The following AMMECR1 variants were observed in gnomAD, a reference collection of about 807,000 sequenced individuals.
AMMECR1 encodes the protein nuclear protein AMMECR1.
A neutral mutation model predicts 22.5 loss-of-function variants in AMMECR1; 3 were observed. That is an observed-to-expected ratio of 0.13 (90% confidence interval 0.06 to 0.35). The LOEUF is 0.35. Among genes scored for constraint, AMMECR1 ranks in the 10% least tolerant of loss-of-function variants. The pLI is 1.00. For synonymous variants in AMMECR1, 130 were observed against 116.7 expected (o/e 1.11, Z -0.74); for missense variants, 235 against 278.7 (o/e 0.84, Z 1.12).
intron 2 of AMMECR1, among the ~76,000 whole-genome samples, chrX:110,229,823 G>C (rs1327726860): frequency 8.9e-6 from 1 of 112,579 alleles, no homozygotes; most frequent in Admixed American, 9.3e-5. Flanking sequence ...TTTTACCAAG[G>C]TCTTAGCAAC....
rs750327345 is a variant in AMMECR1, at chrX:110,196,490, TAGCC to T, written c.*2026_*2029del. ...AAGGGTAAGAAAAGTTTCCATCAGG[TAGCC>T]ACTTGTTTTTATACTGAAAGACTAA... On this transcript the variant is annotated 3_prime_UTR_variant, in exon 6 of 6. Coordinates refer to ENST00000262844, the MANE Select transcript of AMMECR1 (RefSeq NM_015365.3). 6.9e-4 allele frequency: 76 copies of T among 109,410 alleles called. 1 individual carries two copies. The East Asian group carries it at 8.6e-3, about 12-fold the overall frequency. The allele number at this position is 109,410 out of a possible 1,213,427, so 9.0% of individuals were successfully genotyped here.
intron 2 of AMMECR1, among the ~76,000 whole-genome samples, chrX:110,324,864 A>AT (rs2068092245): frequency 9.0e-6 from 1 of 110,884 alleles, no homozygotes; most frequent in Non-Finnish European, 1.9e-5. Flanking sequence ...GTATATAATT[A>AT]TTTTTTATAT....
intron 2 of AMMECR1, among the ~76,000 whole-genome samples, chrX:110,397,518 G>T (rs1039210596): frequency 9.0e-6 from 1 of 110,622 alleles, no homozygotes; most frequent in African/African-American, 3.3e-5. Context: ...CCATTCCTTG[G>T]CTAGAACCTC....
At chrX:110,305,941 C>G (rs1244380308) in intron 1 of AMMECR1, among the ~76,000 whole-genome samples, 1 of 110,962 alleles carries the variant, frequency 9.0e-6, no homozygotes, top group Non-Finnish European at 1.9e-5. Flanking sequence ...CAAGATCACA[C>G]CACTGCACTC....
intron 2 of AMMECR1, among the ~76,000 whole-genome samples, chrX:110,334,509 A>G (rs893559712): frequency 2.1e-4 from 23 of 112,082 alleles, no homozygotes; most frequent in African/African-American, 7.1e-4. Flanking sequence ...CTTTAGTTCC[A>G]TACTGAACCT....
intron 1 of AMMECR1, among the ~76,000 whole-genome samples, chrX:110,271,435 T>G (rs916977734): frequency 6.2e-5 from 7 of 112,651 alleles, no homozygotes; most frequent in African/African-American, 1.9e-4. Flanking sequence ...TAGAATTTTT[T>G]GCTGTTGTTA....
intron 1 of AMMECR1, among the ~76,000 whole-genome samples, chrX:110,292,025 T>C (rs935499121): frequency 8.9e-6 from 1 of 112,498 alleles, no homozygotes; most frequent in African/African-American, 3.2e-5. Context: ...TTGATTACAT[T>C]GTGACAATCA....
At position 110,197,544 on chromosome X, in the gene AMMECR1, A is replaced by G. The variant is rs934346539; in HGVS notation, c.*976T>C. 1 of 111,879 alleles carries G rather than the reference A, an allele frequency of 8.9e-6. No homozygotes were observed. The highest frequency in any genetic ancestry group is 9.5e-5 in the Admixed American group (1 of 10,572). The allele number at this position is 111,879 out of a possible 1,213,427, so 9.2% of individuals were successfully genotyped here. A position where few individuals can be genotyped will look rare whatever the true frequency, so the allele number is the denominator to read the frequency against. Reference sequence around the variant, plus strand: ...ATACTTAAGAGTAAGGAATTTGTCTAATCTTCTGTTTCACATATAGAAACA... The same window carrying G: ...ATACTTAAGAGTAAGGAATTTGTCTGATCTTCTGTTTCACATATAGAAACA... On this transcript the variant is annotated 3_prime_UTR_variant, in exon 6 of 6. Coordinates refer to ENST00000262844, the MANE Select transcript of AMMECR1 (RefSeq NM_015365.3).
chrX:110,265,590 T>C (rs990526373), intron 1 of AMMECR1, among the ~76,000 whole-genome samples: 4 of 111,858 alleles, frequency 3.6e-5, no homozygotes, highest in African/African-American at 1.3e-4. Context: ...AGAGCAACTT[T>C]GTATGCCAGT....
At chrX:110,333,311 C>G (rs891925948) in intron 2 of AMMECR1, among the ~76,000 whole-genome samples, 1 of 111,400 alleles carries the variant, frequency 9.0e-6, no homozygotes, top group Non-Finnish European at 1.9e-5. Flanking sequence ...GAATGGCGAT[C>G]ATTAAAAAGT....
At chrX:110,326,029 T>C (rs1018601165) in intron 2 of AMMECR1, among the ~76,000 whole-genome samples, 4 of 111,424 alleles carry the variant, frequency 3.6e-5, no homozygotes, top group African/African-American at 9.8e-5. Context: ...TTGCTCTGTC[T>C]CCCAGGCTGG....
intron 2 of AMMECR1, among the ~76,000 whole-genome samples, chrX:110,255,751 C>T (rs1267269443): frequency 9.0e-6 from 1 of 111,247 alleles, no homozygotes; most frequent in Non-Finnish European, 1.9e-5. Context: ...ATAAAAAAAA[C>T]AGAGTGTTAA....
intron 2 of AMMECR1, among the ~76,000 whole-genome samples, chrX:110,346,036 C>G (rs185584264): frequency 9.8e-4 from 109 of 111,743 alleles, no homozygotes; most frequent in African/African-American, 3.5e-3. Flanking sequence ...TCATACATAC[C>G]TTACTAAGCA....
intron 2 of AMMECR1, among the ~76,000 whole-genome samples, chrX:110,389,211 T>C (rs1446534331): frequency 8.9e-6 from 1 of 112,779 alleles, no homozygotes; most frequent in Non-Finnish European, 1.9e-5. Flanking sequence ...AAATATAGAA[T>C]ATGCAGTATT....
chrX:110,296,495 G>A (rs902458155), intron 1 of AMMECR1, among the ~76,000 whole-genome samples: 1 of 111,514 alleles, frequency 9.0e-6, no homozygotes, highest in Admixed American at 9.5e-5. Flanking sequence ...CCCCTTCAGG[G>A]ACTCCATTAT....
chrX:110,219,126 T>C (rs1269760725), intron 2 of AMMECR1, among the ~76,000 whole-genome samples: 1 of 111,921 alleles, frequency 8.9e-6, no homozygotes, highest in African/African-American at 3.2e-5. Flanking sequence ...TTAATGTGGA[T>C]GTATGTTTTC....
chrX:110,322,343 C>G (rs2068082184), upstream of AMMECR1, among the ~76,000 whole-genome samples: 1 of 111,741 alleles, frequency 8.9e-6, no homozygotes, highest in African/African-American at 3.3e-5. Flanking sequence ...GAGTTGTGAA[C>G]AATCAAAACA....
intron 2 of AMMECR1, among the ~76,000 whole-genome samples, chrX:110,398,691 C>T (rs950624079): frequency 5.4e-5 from 6 of 111,775 alleles, no homozygotes; most frequent in African/African-American, 1.3e-4. Flanking sequence ...TATTTGTTTC[C>T]GACTCATTAT....
intron 2 of AMMECR1, among the ~76,000 whole-genome samples, chrX:110,329,096 TC>T (rs1428767092): frequency 8.9e-6 from 1 of 112,348 alleles, no homozygotes; most frequent in East Asian, 2.8e-4. Flanking sequence ...GTAAAAGCGT[TC>T]CCATTTCTCC....
Sources: gnomAD v4.1 joint callset for allele counts (sites outside exome capture counted in the v4.1 genomes callset) on GRCh38, gnomAD v4.1.1 for gene constraint, MANE v1.5 for transcripts, NCBI Gene and HGNC (gene_info 2026-07-23, HGNC 2026-07-21) for gene names.